The following SLCO3A1 variants were observed in gnomAD, a reference collection of about 807,000 sequenced individuals.
The protein encoded by SLCO3A1 is solute carrier organic anion transporter family member 3A1.
SLCO3A1 carries 27 observed loss-of-function variants against 63.1 expected under a neutral mutation model. The observed-to-expected ratio is 0.43, with a 90% CI of 0.32 to 0.59. The LOEUF (loss-of-function observed/expected upper bound fraction) is 0.59, where lower values mean the gene tolerates loss of function less well. Among genes scored for constraint, SLCO3A1 ranks in the 20% least tolerant of loss-of-function variants. SLCO3A1 has a pLI of 0.09. For missense variants in SLCO3A1, 773 were observed against 945.8 expected, an observed-to-expected ratio of 0.82 and a Z score of 2.40; for synonymous variants, 473 against 409.9, an observed-to-expected ratio of 1.15 and a Z score of -1.86.
intron 2 of SLCO3A1, among the ~76,000 whole-genome samples, chr15:91,993,040 T>A (rs2046146131): frequency 6.6e-6 from 1 of 152,204 alleles, no homozygotes; most frequent in South Asian, 2.1e-4. Context: ...GTACAACCTT[T>A]CTGGCGTGTG....
At chr15:92,111,043 G>C (rs539238441) in intron 4 of SLCO3A1, among the ~76,000 whole-genome samples, 1 of 152,174 alleles carries the variant, frequency 6.6e-6, no homozygotes, top group African/African-American at 2.4e-5. Context: ...TCATGTTGTC[G>C]CTTGTCCATC....
In SLCO3A1 at chr15:92,163,804, T is replaced by C. The variant is rs963374103; in HGVS notation, c.*669T>C. On this transcript the variant is annotated 3_prime_UTR_variant, in exon 10 of 10. Transcript: ENST00000318445. Reference sequence around the variant, plus strand: ...GGTGATCCGTGCTGGAGTTTGTAATTGGCACCTCTCACCAGCTCCATTTCC... The same window carrying C: ...GGTGATCCGTGCTGGAGTTTGTAATCGGCACCTCTCACCAGCTCCATTTCC... The C allele has an allele frequency of 1.0e-6, 1 of 985,336 alleles. No individual in the cohort carries two copies. The highest frequency in any genetic ancestry group is 1.7e-5 in the African/African-American group (1 of 57,224). The allele number at this position is 985,336 out of a possible 1,614,324, so 61.0% of individuals were successfully genotyped here.
chr15:92,162,911 G>A lies in SLCO3A1; in HGVS notation c.1909G>A (p.Ala637Thr). 1.2e-6 allele frequency: 2 copies of A among 1,614,132 alleles called. No homozygotes were observed. The highest frequency in any genetic ancestry group is 2.2e-5 in the South Asian group (2 of 91,080). The change falls in exon 10 of 10, where the codon GCC (alanine) becomes ACC (threonine). Residue 637 changes from alanine (A) to threonine (T), a missense_variant. Physicochemically the swap from Ala to Thr is moderately conservative, Grantham distance 58 (BLOSUM62 0). Around this residue, in one of 3 missense-constraint regions of SLCO3A1, gnomAD observed 139 missense variants for 131.4 expected, o/e 1.06. Coordinates refer to ENST00000318445, the MANE Select transcript of SLCO3A1 (RefSeq NM_013272.4). The stretch of plus-strand genomic sequence containing the variant: ...CATCGCCATCGCGCTCAAATCCTTC[G>A]CCTTCATCCTGTACACCACCACGTG... ...VSIAIALKSF[A>T]FILYTTTWQC...
At chr15:91,972,661 G>T (rs969287075) in intron 2 of SLCO3A1, among the ~76,000 whole-genome samples, 6 of 152,174 alleles carry the variant, frequency 3.9e-5, no homozygotes, top group Non-Finnish European at 8.8e-5. Context: ...TCTTCAGTAC[G>T]GTGGATTTAT....
chr15:92,143,065 G>A (rs1275484966), intron 7 of SLCO3A1, among the ~76,000 whole-genome samples: 1 of 151,572 alleles, frequency 6.6e-6, no homozygotes, highest in Non-Finnish European at 1.5e-5. Flanking sequence ...CAAGTATGTA[G>A]CCTCTCAGGA....
At chr15:92,092,074 C>T (rs1182289728) in intron 2 of SLCO3A1, among the ~76,000 whole-genome samples, 2 of 152,180 alleles carry the variant, frequency 1.3e-5, no homozygotes, top group South Asian at 4.1e-4. Flanking sequence ...GCTTGAGGGA[C>T]GCCCCTCCTT....
chr15:92,012,786 A>G (rs1280627552), intron 2 of SLCO3A1, among the ~76,000 whole-genome samples: 3 of 150,868 alleles, frequency 2.0e-5, no homozygotes, highest in Admixed American at 6.6e-5. Context: ...GCTTAACTCT[A>G]GGCCCTGCTC....
intron 2 of SLCO3A1, among the ~76,000 whole-genome samples, chr15:92,024,891 G>A (rs2048946): frequency 0.62 from 94,291 of 151,884 alleles, 30,094 homozygotes; most frequent in African/African-American, 0.78. Flanking sequence ...CCACCCATCC[G>A]TCTACCTACC....
At chr15:91,910,186 G>A (rs896970162) in intron 1 of SLCO3A1, among the ~76,000 whole-genome samples, 1 of 152,126 alleles carries the variant, frequency 6.6e-6, no homozygotes, top group Non-Finnish European at 1.5e-5. Context: ...CTTTGCTCTT[G>A]GAATGTTGTG....
chr15:91,892,960 G>A (rs1897907737), intron 1 of SLCO3A1, among the ~76,000 whole-genome samples: 1 of 152,244 alleles, frequency 6.6e-6, no homozygotes, highest in African/African-American at 2.4e-5. Flanking sequence ...TTTTGTTACT[G>A]TTATTTTTAG....
chr15:92,069,347 A>T (rs1016951097), intron 2 of SLCO3A1, among the ~76,000 whole-genome samples: 1 of 152,186 alleles, frequency 6.6e-6, no homozygotes, highest in African/African-American at 2.4e-5. Context: ...AGATAATTTC[A>T]GTGCAGTGTG....
intron 2 of SLCO3A1, among the ~76,000 whole-genome samples, chr15:92,002,802 A>C (rs1332311169): frequency 3.3e-5 from 5 of 152,218 alleles, no homozygotes; most frequent in Non-Finnish European, 7.3e-5. Context: ...TAATTAAAAC[A>C]TCTTTTCTAG....
chr15:92,060,042 T>C (rs2047067838), intron 2 of SLCO3A1, among the ~76,000 whole-genome samples: 1 of 152,124 alleles, frequency 6.6e-6, no homozygotes, highest in African/African-American at 2.4e-5. Context: ...AGCATTTGTG[T>C]ATCTAAACAT....
At chr15:91,952,890 A>T (rs765047482) in intron 2 of SLCO3A1, among the ~76,000 whole-genome samples, 13 of 152,160 alleles carry the variant, frequency 8.5e-5, no homozygotes, top group Non-Finnish European at 1.5e-4. Flanking sequence ...AGGAGGGAAG[A>T]GGGGATGTAA....
At chr15:92,064,971 G>C (rs936950110) in intron 2 of SLCO3A1, among the ~76,000 whole-genome samples, 16 of 152,190 alleles carry the variant, frequency 1.1e-4, no homozygotes, top group Non-Finnish European at 2.2e-4. Context: ...GGTGACTGTA[G>C]TTAATAATTT....
At chr15:91,962,474 C>T (rs1487333648) in intron 2 of SLCO3A1, among the ~76,000 whole-genome samples, 3 of 82,706 alleles carry the variant, frequency 3.6e-5, no homozygotes, top group Admixed American at 1.3e-4. Context: ...AGCGAAACTC[C>T]GTCTCAAAAA....
At position 92,164,254 on chromosome 15, in the gene SLCO3A1, A is replaced by G. The variant is rs2048474449; in HGVS notation, c.*1119A>G. 1 of 984,366 alleles carries G rather than the reference A, an allele frequency of 1.0e-6. No homozygotes were observed. The highest frequency in any genetic ancestry group is 1.2e-6 in the Non-Finnish European group (1 of 829,088). 61.0% of individuals were successfully genotyped at this position (984,366 alleles called of 1,614,324 possible). On this transcript the variant is annotated 3_prime_UTR_variant, in exon 10 of 10. Transcript: ENST00000318445. ...ATGCAATTAACCTATTGTAATTTTCATCATTTTATCCTCATTCGAATATTC... is the reference window on the plus strand; with the variant it reads ...ATGCAATTAACCTATTGTAATTTTCGTCATTTTATCCTCATTCGAATATTC...
rs1899885667 is a variant in SLCO3A1, at chr15:91,948,436, A to T, written c.646+31978A>T. On this transcript the variant is annotated intron_variant, in intron 2 of 9. Transcript: ENST00000318445. The surrounding 1 kb of genome is among the most constrained non-coding windows in gnomAD (Gnocchi z 4.8). Reference sequence around the variant, plus strand: ...CAGATAAGCCTACAGGCTCTGTAGGAGTGCCGGCATGCACACAGCACCACC... The same window carrying T: ...CAGATAAGCCTACAGGCTCTGTAGGTGTGCCGGCATGCACACAGCACCACC... Among the ~76,000 whole-genome samples the T allele has an allele frequency of 6.6e-6, 1 of 152,204 alleles. No homozygotes were observed. The highest frequency in any genetic ancestry group is 2.4e-5 in the African/African-American group (1 of 41,454).
chr15:92,043,923 C>G (rs980356307), intron 2 of SLCO3A1, among the ~76,000 whole-genome samples: 31 of 152,142 alleles, frequency 2.0e-4, no homozygotes, highest in African/African-American at 7.2e-4. Flanking sequence ...TTCCATCCCC[C>G]CTGGGAGCCT....
Sources: allele counts gnomAD v4.1 joint callset (sites outside exome capture counted in the v4.1 genomes callset), GRCh38; gene constraint gnomAD v4.1.1; regional missense constraint gnomAD v4.1.1; non-coding constraint Gnocchi (gnomAD v3.1); transcripts MANE v1.5; gene names NCBI Gene and HGNC (gene_info 2026-07-23, HGNC 2026-07-21).